Variants in MEI4 observed in about 807,000 individuals in gnomAD.
MEI4 encodes meiotic double-stranded break formation protein 4.
A neutral mutation model predicts 31.4 loss-of-function variants in MEI4; 27 were observed. That is an observed-to-expected ratio of 0.86 (90% confidence interval 0.63 to 1.19). MEI4 has a LOEUF of 1.19. Ranked by LOEUF, MEI4 falls within the 50% of genes most tolerant of loss-of-function variation. The probability of loss-of-function intolerance (pLI) is 0.00; values close to 1 mark genes in which losing one functional copy is unlikely to be tolerated. For synonymous variants in MEI4, 122 were observed against 145.4 expected, an observed-to-expected ratio of 0.84 and a Z score of 1.16; for missense variants, 329 against 398.9, an observed-to-expected ratio of 0.82 and a Z score of 1.49.
chr6:77,691,214 T>C (rs1384755107), intron 2 of MEI4, among the ~76,000 whole-genome samples: 1 of 152,010 alleles, frequency 6.6e-6, no homozygotes, highest in East Asian at 1.9e-4. Context: ...TATTCAGTAG[T>C]TAATCTAGCA....
chr6:77,899,990 A>G (rs1047545462), intron 4 of MEI4, among the ~76,000 whole-genome samples: 1 of 151,902 alleles, frequency 6.6e-6, no homozygotes, highest in Non-Finnish European at 1.5e-5. Flanking sequence ...TTTAAATAAG[A>G]CCTCAAAATA....
chr6:77,685,174 C>A (rs1339873933), intron 1 of MEI4, among the ~76,000 whole-genome samples: 4 of 152,230 alleles, frequency 2.6e-5, no homozygotes, highest in East Asian at 3.9e-4. Flanking sequence ...CTATTCAAAT[C>A]TTTTGCCCAT....
chr6:77,745,794 C>G (rs963861636), intron 2 of MEI4, among the ~76,000 whole-genome samples: 1 of 152,128 alleles, frequency 6.6e-6, no homozygotes, highest in Non-Finnish European at 1.5e-5. Flanking sequence ...TGCAATCAAA[C>G]TAGAACTCAG....
chr6:77,677,754 T>G (rs966816414), intron 1 of MEI4, among the ~76,000 whole-genome samples: 1 of 152,152 alleles, frequency 6.6e-6, no homozygotes, highest in African/African-American at 2.4e-5. Flanking sequence ...CACAGGAAAA[T>G]AAGTTTAGCA....
intron 4 of MEI4, among the ~76,000 whole-genome samples, chr6:77,830,898 A>G (rs1007218120): frequency 2.0e-5 from 3 of 152,082 alleles, no homozygotes; most frequent in African/African-American, 7.2e-5. Flanking sequence ...AAAAATAGAC[A>G]AATGAGAATA....
intron 4 of MEI4, among the ~76,000 whole-genome samples, chr6:77,834,994 T>C (rs1197632812): frequency 2.0e-5 from 3 of 152,160 alleles, no homozygotes; most frequent in Non-Finnish European, 2.9e-5. Flanking sequence ...TCTGAAGCTA[T>C]GCAAACTTTC....
rs577075817 is a variant in MEI4, at chr6:77,800,308, G to T, written c.769-28623G>T. The stretch of plus-strand genomic sequence containing the variant: ...TCGGCTCTCTGTTTGTCTGTTCTTG[G>T]TGTATAAGAATGCTTGTGATTTTTG... On this transcript the variant is annotated intron_variant, in intron 3 of 4. Coordinates refer to ENST00000684080, the MANE Select transcript of MEI4 (RefSeq NM_001322247.2). Among the ~76,000 whole-genome samples the T allele has an allele frequency of 5.3e-5, 8 of 152,152 alleles. No homozygotes were observed. In the East Asian group the frequency reaches 1.5e-3, roughly 29 times the overall value.
At chr6:77,798,612 A>T (rs980407084) in intron 3 of MEI4, among the ~76,000 whole-genome samples, 5 of 150,612 alleles carry the variant, frequency 3.3e-5, no homozygotes, top group African/African-American at 1.2e-4. Flanking sequence ...ATTTAGCATT[A>T]GGTATATCTC....
rs565456197 is a variant in MEI4 at position 77,768,572 on chromosome 6, C to T, written c.768+6907C>T. 1.4e-3 allele frequency among the ~76,000 whole-genome samples: 207 copies of T among 152,044 alleles called. 1 individual carries two copies. The highest frequency in any genetic ancestry group is 4.4e-3 in the African/African-American group (181 of 41,482). Reference sequence around the variant, plus strand: ...AAAAATAGCCAGACATGGTGGCATGCACCTGTAGTCCCAGCTACTTGGGAG... The same window carrying T: ...AAAAATAGCCAGACATGGTGGCATGTACCTGTAGTCCCAGCTACTTGGGAG... On this transcript the variant is annotated intron_variant, in intron 3 of 4. Transcript: ENST00000684080.
intron 4 of MEI4, among the ~76,000 whole-genome samples, chr6:77,901,011 G>T (rs144590936): frequency 2.0e-4 from 31 of 151,820 alleles, no homozygotes; most frequent in African/African-American, 7.5e-4. Context: ...ATGTCCTTGG[G>T]TTCATCCATG....
chr6:77,776,323 T>C (rs545445734), intron 3 of MEI4, among the ~76,000 whole-genome samples: 29 of 152,226 alleles, frequency 1.9e-4, no homozygotes, highest in Admixed American at 9.2e-4. Context: ...TTTTGACTCT[T>C]ACCCTTTGAT....
chr6:77,727,164 C>T (rs1163478965), intron 2 of MEI4, among the ~76,000 whole-genome samples: 1 of 152,130 alleles, frequency 6.6e-6, no homozygotes, highest in East Asian at 1.9e-4. Flanking sequence ...TAGTGAAGGT[C>T]AGAACAGAGT....
intron 4 of MEI4, among the ~76,000 whole-genome samples, chr6:77,848,412 G>C (rs1029869164): frequency 6.6e-6 from 1 of 152,190 alleles, no homozygotes; most frequent in African/African-American, 2.4e-5. Context: ...GAAGGAAAGA[G>C]GGCCTGGGAG....
intron 3 of MEI4, among the ~76,000 whole-genome samples, chr6:77,773,445 C>G (rs901013134): frequency 6.6e-6 from 1 of 151,958 alleles, no homozygotes; most frequent in Non-Finnish European, 1.5e-5. Context: ...AGAACAGTCT[C>G]TTCTGTGAAT....
chr6:77,904,368 G>T (rs1425372764), intron 4 of MEI4, among the ~76,000 whole-genome samples: 1 of 151,966 alleles, frequency 6.6e-6, no homozygotes, highest in Non-Finnish European at 1.5e-5. Context: ...TGGGTAAATT[G>T]GGTGTCACGG....
intron 2 of MEI4, among the ~76,000 whole-genome samples, chr6:77,741,682 A>G (rs925619141): frequency 1.3e-5 from 2 of 151,694 alleles, no homozygotes; most frequent in Non-Finnish European, 2.9e-5. Flanking sequence ...GGTTAGTTAC[A>G]TATGTACACA....
At chr6:77,871,929 T>C (rs781644897) in intron 4 of MEI4, among the ~76,000 whole-genome samples, 2 of 152,128 alleles carry the variant, frequency 1.3e-5, no homozygotes, top group Non-Finnish European at 2.9e-5. Flanking sequence ...TTCTAGAATA[T>C]TATTGGCTTA....
chr6:77,694,828 G>C (rs900270031), intron 2 of MEI4, among the ~76,000 whole-genome samples: 15 of 151,516 alleles, frequency 9.9e-5, no homozygotes, highest in Non-Finnish European at 1.6e-4. Flanking sequence ...GATCCCTGAG[G>C]AATCGCCACA....
chr6:77,727,052 G>A (rs545134331), intron 2 of MEI4, among the ~76,000 whole-genome samples: 28 of 152,212 alleles, frequency 1.8e-4, no homozygotes, highest in Admixed American at 1.5e-3. Flanking sequence ...ATTTTTTTTG[G>A]TACCTGCAAG....
Sources: allele counts gnomAD v4.1 joint callset (sites outside exome capture counted in the v4.1 genomes callset), GRCh38; gene constraint gnomAD v4.1.1; transcripts MANE v1.5; gene names NCBI Gene and HGNC (gene_info 2026-07-23, HGNC 2026-07-21).